PTPRN2: variants seen among roughly 807,000 people sequenced by gnomAD.
The protein encoded by PTPRN2 is receptor-type tyrosine-protein phosphatase N2.
PTPRN2 carries 74 observed loss-of-function variants against 118.8 expected under a neutral mutation model. That is an observed-to-expected ratio of 0.62 (90% CI 0.52 to 0.76). The LOEUF (loss-of-function observed/expected upper bound fraction) is 0.76. PTPRN2 is among the 30% of genes least tolerant of loss of function. The probability of loss-of-function intolerance (pLI) is 0.00; values close to 1 mark genes in which losing one functional copy is unlikely to be tolerated. For synonymous variants in PTPRN2, 641 were observed against 608.0 expected (o/e 1.05, Z -0.80); for missense variants, 1,481 against 1,394.4 (o/e 1.06, Z -0.99).
chr7:157,545,333 TG>T lies in PTPRN2; in HGVS notation c.2976+3612del, dbSNP rs945793512. Among the ~76,000 whole-genome samples the T allele has an allele frequency of 8.1e-5, 12 of 148,290 alleles. No individual in the cohort carries two copies. In the East Asian group the frequency reaches 1.6e-3, roughly 20 times the overall value. Reference sequence around the variant, plus strand: ...ACATGCGTGGGTGTGTAGGTGTGTGTGGGGGGTGTGCCTGGGTGTGTGCATG... The same window carrying T: ...ACATGCGTGGGTGTGTAGGTGTGTGTGGGGGTGTGCCTGGGTGTGTGCATG... On this transcript the variant is annotated intron_variant, in intron 22 of 22. Coordinates refer to ENST00000389418, the MANE Select transcript of PTPRN2 (RefSeq NM_002847.5).
intron 11 of PTPRN2, among the ~76,000 whole-genome samples, chr7:158,077,238 A>G (rs1260940525): frequency 1.3e-5 from 2 of 152,136 alleles, no homozygotes; most frequent in African/African-American, 4.8e-5. Flanking sequence ...TGGACCCGCT[A>G]CATATGAGAC....
chr7:157,788,476 C>T (rs1804222346), intron 12 of PTPRN2, among the ~76,000 whole-genome samples: 1 of 152,074 alleles, frequency 6.6e-6, no homozygotes, highest in Admixed American at 6.5e-5. Flanking sequence ...ACCAACGTGA[C>T]CAGAACCCAT....
At chr7:157,773,102 G>C (rs992012363) in intron 12 of PTPRN2, among the ~76,000 whole-genome samples, 2 of 152,182 alleles carry the variant, frequency 1.3e-5, no homozygotes, top group African/African-American at 4.8e-5. Context: ...TCAGTGCTGG[G>C]ACCATCAAGA....
At position 157,622,408 on chromosome 7, in the gene PTPRN2, C is replaced by G. The variant is rs1314039220; in HGVS notation, c.2197-899G>C. Among the ~76,000 whole-genome samples, 4 of 152,156 alleles carry G rather than the reference C, an allele frequency of 2.6e-5. No individual in the cohort carries two copies. The highest frequency in any genetic ancestry group is 9.7e-5 in the African/African-American group (4 of 41,442). On this transcript the variant is annotated intron_variant, in intron 14 of 22. Coordinates refer to ENST00000389418, the MANE Select transcript of PTPRN2 (RefSeq NM_002847.5). The surrounding 1 kb of genome is among the most constrained non-coding windows in gnomAD (Gnocchi z 5.3). ...CCAATGTCAGGCCCGGGGTCCAAGCCCTTCTCACCTTCTGCCCACCCCCTG... is the reference window on the plus strand; with the variant it reads ...CCAATGTCAGGCCCGGGGTCCAAGCGCTTCTCACCTTCTGCCCACCCCCTG...
chr7:157,770,252 A>G (rs1802722356), intron 12 of PTPRN2, among the ~76,000 whole-genome samples: 1 of 152,264 alleles, frequency 6.6e-6, no homozygotes, highest in African/African-American at 2.4e-5. Context: ...TGTAGATAGA[A>G]TATGACTGGA....
In PTPRN2 at chr7:157,823,788, CTT is replaced by C. The variant is rs551656123; in HGVS notation, c.1788+74883_1788+74884del. ...CATCTGGGGATTTGATGTCCTGAGA[CTT>C]AGGTTTTGATCACATCAAGCTTTTC... is the stretch of plus-strand genomic sequence containing the variant. On this transcript the variant is annotated intron_variant, in intron 12 of 22. Coordinates refer to ENST00000389418, the MANE Select transcript of PTPRN2 (RefSeq NM_002847.5). Among the ~76,000 whole-genome samples, 241 of 152,268 alleles carry C rather than the reference CTT, an allele frequency of 1.6e-3. 3 individuals carry two copies. The highest frequency in any genetic ancestry group is 3.9e-3 in the South Asian group (19 of 4,832).
intron 8 of PTPRN2, 119 bp from the exon 9 acceptor site, chr7:158,134,178 G>A (rs1455925641): frequency 8.3e-7 from 1 of 1,201,012 alleles, no homozygotes; most frequent in Non-Finnish European, 1.2e-6. Context: ...CCTGGAAGGA[G>A]AGTGTGGGAG....
intron 10 of PTPRN2, 148 bp from the exon 11 acceptor site, chr7:158,081,525 G>A (rs1019883838): frequency 5.1e-5 from 36 of 700,130 alleles, no homozygotes; most frequent in South Asian, 4.8e-4. Flanking sequence ...ACTGGACGTC[G>A]GTTTTCCTTC....
At chr7:157,843,168 C>A (rs895614443) in intron 12 of PTPRN2, among the ~76,000 whole-genome samples, 3 of 152,184 alleles carry the variant, frequency 2.0e-5, no homozygotes, top group Non-Finnish European at 2.9e-5. Context: ...GATAATGTAG[C>A]CTTCAAATGT....
At position 157,854,304 on chromosome 7, in the gene PTPRN2, CCA is replaced by C. The variant is rs1350966307; in HGVS notation, c.1788+44367_1788+44368del. 8.5e-5 allele frequency among the ~76,000 whole-genome samples: 13 copies of C among 152,340 alleles called. No homozygotes were observed. The East Asian group carries it at 2.3e-3, about 27-fold the overall frequency. On this transcript the variant is annotated intron_variant, in intron 12 of 22. Transcript: ENST00000389418. ...CCTGGATACCGTGGCTGCCTCTGCCCCACCCTCAGCTCTGGGACAAACCTTCA... is the reference window on the plus strand; with the variant it reads ...CCTGGATACCGTGGCTGCCTCTGCCCCCCTCAGCTCTGGGACAAACCTTCA...
Position 158,187,620 on chromosome 7 carries a change from G to C in PTPRN2, c.549+4707C>G, listed in dbSNP as rs564070615. Among the ~76,000 whole-genome samples, 14 of 152,198 alleles carry C rather than the reference G, an allele frequency of 9.2e-5. No individual in the cohort carries two copies. In the East Asian group the frequency reaches 9.7e-4, roughly 10 times the overall value. ...CTGGACAGAAAAGAAAATGAGTTCT[G>C]GGTTTTCATGCATTTTTTTAAATAC... is the stretch of plus-strand genomic sequence containing the variant. On this transcript the variant is annotated intron_variant, in intron 5 of 22. Coordinates refer to ENST00000389418, the MANE Select transcript of PTPRN2 (RefSeq NM_002847.5).
At chr7:157,686,577 C>T (rs984967291) in intron 12 of PTPRN2, among the ~76,000 whole-genome samples, 4 of 152,230 alleles carry the variant, frequency 2.6e-5, no homozygotes, top group African/African-American at 7.2e-5. Context: ...GGCTGCACCA[C>T]GGCGGGTGGA....
chr7:158,432,025 C>CT, intron 2 of PTPRN2, among the ~76,000 whole-genome samples: 1 of 152,386 alleles, frequency 6.6e-6, no homozygotes, highest in South Asian at 2.1e-4. Context: ...CCAATCCACT[C>CT]TAACAGGATC....
At chr7:157,849,033 G>A (rs1809080576) in intron 12 of PTPRN2, among the ~76,000 whole-genome samples, 2 of 152,192 alleles carry the variant, frequency 1.3e-5, no homozygotes, top group Non-Finnish European at 2.9e-5. Context: ...GCGGGTCTTG[G>A]GATGACGTCT....
chr7:157,637,862 G>A (rs1020866378), intron 14 of PTPRN2, among the ~76,000 whole-genome samples: 1 of 152,206 alleles, frequency 6.6e-6, no homozygotes, highest in Non-Finnish European at 1.5e-5. Context: ...TACTCATTAC[G>A]ATTTTCTGAT....
chr7:157,701,069 G>C (rs1798043987), intron 12 of PTPRN2, among the ~76,000 whole-genome samples: 1 of 152,236 alleles, frequency 6.6e-6, no homozygotes, highest in Non-Finnish European at 1.5e-5. Flanking sequence ...ATCCTGTCAA[G>C]CTACTTTCCC....
chr7:158,316,791 G>A lies in PTPRN2; in HGVS notation c.277+28C>T, dbSNP rs377691547. 7.5e-5 allele frequency: 116 copies of A among 1,547,908 alleles called. No individual in the cohort carries two copies. The African/African-American group carries it at 1.5e-3, about 20-fold the overall frequency. ...CGTGCGGTCGCTCAGTGCGGCAGCCGCCGAGCCTCGGCCCACGCCCGCCCT... is the reference window on the plus strand; with the variant it reads ...CGTGCGGTCGCTCAGTGCGGCAGCCACCGAGCCTCGGCCCACGCCCGCCCT... On this transcript the variant is annotated intron_variant, in intron 3 of 22. Coordinates refer to ENST00000389418, the MANE Select transcript of PTPRN2 (RefSeq NM_002847.5).
rs77977218 is a variant in PTPRN2, at chr7:158,188,532, G to C, written c.549+3795C>G. On this transcript the variant is annotated intron_variant, in intron 5 of 22. Transcript: ENST00000389418. Reference sequence around the variant, plus strand: ...GATGGGGAAGGCCGCCACGCTCGCCGCCTGATGGGGAAGGCCGCCACGCTC... The same window carrying C: ...GATGGGGAAGGCCGCCACGCTCGCCCCCTGATGGGGAAGGCCGCCACGCTC... Among the ~76,000 whole-genome samples the C allele has an allele frequency of 3.9e-3, 69 of 17,674 alleles. 2 individuals are homozygous for C. Among genetic ancestry groups the C allele is most frequent in the Admixed American group, 0.021 (23 of 1,096 alleles). The allele number at this position is 17,674 out of a possible 152,430, so 11.6% of individuals were successfully genotyped here.
rs73510588 is a variant in PTPRN2, at chr7:158,555,705, T to C, written c.112+31853A>G. 0.049 allele frequency among the ~76,000 whole-genome samples: 7,393 copies of C among 150,384 alleles called. 577 individuals are homozygous for C. Among genetic ancestry groups the C allele is most frequent in the African/African-American group, 0.17 (6,751 of 40,870 alleles). ...GCAACAGAGTCAGGAATCTGAAGGG[T>C]AAAGGGAGCTCTTCCGCCAACAGGT... On this transcript the variant is annotated intron_variant, in intron 1 of 22. Transcript: ENST00000389418. This position sits in a 1 kb window ranked among gnomAD's most constrained non-coding sequence, Gnocchi z 4.7.
Sources: allele counts gnomAD v4.1 joint callset (sites outside exome capture counted in the v4.1 genomes callset), GRCh38; gene constraint gnomAD v4.1.1; non-coding constraint Gnocchi (gnomAD v3.1); transcripts MANE v1.5; gene names NCBI Gene and HGNC (gene_info 2026-07-23, HGNC 2026-07-21).